Variants in CHMP3 observed in about 807,000 individuals in gnomAD.
CHMP3 encodes the protein charged multivesicular body protein 3.
Under a neutral mutation model 27.4 loss-of-function variants are expected in CHMP3, and 8 were observed. The observed-to-expected ratio is 0.29, with a 90% CI of 0.17 to 0.53. CHMP3 has a LOEUF of 0.53. CHMP3 is among the 20% of genes least tolerant of loss of function. The pLI is 0.96. For synonymous variants in CHMP3, 86 were observed against 85.5 expected, an observed-to-expected ratio of 1.01 and a Z score of -0.03; for missense variants, 208 against 271.5, an observed-to-expected ratio of 0.77 and a Z score of 1.64.
intron 1 of CHMP3, among the ~76,000 whole-genome samples, chr2:86,549,002 G>A (rs11890027): frequency 0.19 from 28,006 of 148,156 alleles, 3,427 homozygotes; most frequent in African/African-American, 0.34. Context: ...CAGATGGGGC[G>A]GCCAGGCAGA....
intron 3 of CHMP3, among the ~76,000 whole-genome samples, chr2:86,526,661 GCTCTCTCT>G (rs140412089): frequency 6.6e-6 from 1 of 150,896 alleles, no homozygotes. Flanking sequence ...ACTAGAGCAT[GCTCTCTCT>G]CTCTCTCTCT....
intron 3 of CHMP3, among the ~76,000 whole-genome samples, chr2:86,516,180 A>G (rs1675299907): frequency 6.6e-6 from 1 of 151,366 alleles, no homozygotes; most frequent in Non-Finnish European, 1.5e-5. Flanking sequence ...AAAAATTTAT[A>G]TGGCAAAAAG....
intron 3 of CHMP3, among the ~76,000 whole-genome samples, chr2:86,520,955 T>C (rs894772505): frequency 2.6e-5 from 4 of 152,202 alleles, no homozygotes; most frequent in Non-Finnish European, 5.9e-5. Context: ...ATGATGACAT[T>C]CCACCATTGT....
At position 86,507,476 on chromosome 2, in the gene CHMP3, T is replaced by TA. The variant is rs2104738074; in HGVS notation, c.523+2dup. On this transcript the variant is annotated splice_region_variant and intron_variant, in intron 5 of 5. Coordinates refer to ENST00000263856, the MANE Select transcript of CHMP3 (RefSeq NM_016079.4). ...GGAGAAAGGATGGATCTCACGGTCA[T>TA]ACCTGCTGTAATTTCAAAGAGAATT... is the stretch of plus-strand genomic sequence containing the variant. 3 of 1,613,260 alleles carry TA rather than the reference T, an allele frequency of 1.9e-6. No individual in the cohort carries two copies. Among genetic ancestry groups the TA allele is most frequent in the East Asian group, 2.2e-5 (1 of 44,866 alleles).
chr2:86,544,953 C>T (rs546051803), intron 1 of CHMP3, among the ~76,000 whole-genome samples: 85 of 145,690 alleles, frequency 5.8e-4, no homozygotes, highest in African/African-American at 1.5e-3. Flanking sequence ...ACTTCCTAGA[C>T]GGGGCGGCCG....
intron 2 of CHMP3, among the ~76,000 whole-genome samples, chr2:86,539,997 T>C (rs190420071): frequency 1.4e-4 from 21 of 152,196 alleles, no homozygotes; most frequent in Admixed American, 1.3e-3. Flanking sequence ...TAGGGTTGTT[T>C]TGTGGGGTTT....
chr2:86,546,012 G>A (rs910143995), intron 1 of CHMP3, among the ~76,000 whole-genome samples: 4 of 152,146 alleles, frequency 2.6e-5, no homozygotes, highest in East Asian at 1.9e-4. Context: ...CAAGGCAGGC[G>A]GCTGGGAGGT....
At chr2:86,530,696 C>T (rs190700282) in intron 2 of CHMP3, among the ~76,000 whole-genome samples, 9 of 152,270 alleles carry the variant, frequency 5.9e-5, no homozygotes, top group Non-Finnish European at 1.0e-4. Flanking sequence ...AAAAGTAGAA[C>T]TGTTAGGTTA....
intron 3 of CHMP3, among the ~76,000 whole-genome samples, chr2:86,519,721 ATGT>A (rs1213133306): frequency 1.3e-5 from 2 of 152,236 alleles, no homozygotes; most frequent in African/African-American, 4.8e-5. Flanking sequence ...ATTTCATTTA[ATGT>A]TGTATTTTGT....
chr2:86,554,721 A>G (rs1193831165), intron 1 of CHMP3, among the ~76,000 whole-genome samples: 1 of 152,142 alleles, frequency 6.6e-6, no homozygotes, highest in Admixed American at 6.5e-5. Context: ...TCTCACAAAT[A>G]CACAAGCATA....
chr2:86,515,852 T>A (rs1449220029), intron 3 of CHMP3, among the ~76,000 whole-genome samples: 1 of 152,136 alleles, frequency 6.6e-6, no homozygotes, highest in Non-Finnish European at 1.5e-5. Context: ...TTCCAGAACA[T>A]TTCTTTATTT....
In CHMP3 at chr2:86,563,409, G is replaced by C. The variant is rs1030815759; in HGVS notation, c.-61C>G. 40 of 1,595,062 alleles carry C rather than the reference G, an allele frequency of 2.5e-5. No homozygotes were observed. Among genetic ancestry groups the C allele is most frequent in the Non-Finnish European group, 3.1e-5 (36 of 1,168,362 alleles). ...AGTTCCCCGCGCCCAGGCAGGTCAC[G>C]GGCAGCCGCCTGGGCGGGGCCCGCG... On this transcript the variant is annotated 5_prime_UTR_variant, in exon 1 of 6. Coordinates refer to ENST00000263856, the MANE Select transcript of CHMP3 (RefSeq NM_016079.4).
chr2:86,555,819 A>T (rs1053690712), intron 1 of CHMP3, among the ~76,000 whole-genome samples: 2 of 152,170 alleles, frequency 1.3e-5, no homozygotes, highest in African/African-American at 4.8e-5. Context: ...TGCATTTAGG[A>T]GCCACCTGAA....
intron 3 of CHMP3, among the ~76,000 whole-genome samples, chr2:86,526,665 T>G (rs1675721789): frequency 6.7e-6 from 1 of 148,820 alleles, no homozygotes; most frequent in Non-Finnish European, 1.5e-5. Flanking sequence ...GAGCATGCTC[T>G]CTCTCTCTCT....
intron 1 of CHMP3, among the ~76,000 whole-genome samples, chr2:86,546,321 C>T (rs1314823133): frequency 3.5e-5 from 4 of 113,394 alleles, no homozygotes; most frequent in South Asian, 3.1e-4. Flanking sequence ...GCTGAGATCA[C>T]GGCAGTACAG....
chr2:86,512,954 A>G (rs1383871404), intron 3 of CHMP3, among the ~76,000 whole-genome samples: 2 of 152,256 alleles, frequency 1.3e-5, no homozygotes, highest in Non-Finnish European at 2.9e-5. Context: ...GCCACTTTGG[A>G]AGACAAAGCC....
intron 1 of CHMP3, among the ~76,000 whole-genome samples, chr2:86,548,247 G>A (rs1676694382): frequency 6.6e-6 from 1 of 150,658 alleles, no homozygotes; most frequent in Non-Finnish European, 1.5e-5. Flanking sequence ...GGGGGATGTG[G>A]CAGGGTCATA....
Position 86,547,566 on chromosome 2 carries a change from G to T in CHMP3, c.46-5254C>A, listed in dbSNP as rs559367707. On this transcript the variant is annotated intron_variant, in intron 1 of 5. Transcript: ENST00000263856. ...ACTTTAAAAATACTAATTTAACTGG[G>T]CCAGAGGTAGAGCCCAAATGACAGG... Among the ~76,000 whole-genome samples the T allele has an allele frequency of 3.3e-5, 5 of 152,296 alleles. No individual in the cohort carries two copies. The South Asian group carries it at 1.0e-3, about 32-fold the overall frequency.
chr2:86,530,404 G>T (rs892224591), intron 2 of CHMP3, among the ~76,000 whole-genome samples: 1 of 152,012 alleles, frequency 6.6e-6, no homozygotes, highest in Non-Finnish European at 1.5e-5. Flanking sequence ...CTGTCTTTAC[G>T]AATTTTACTA....
Sources: gnomAD v4.1 joint callset for allele counts (sites outside exome capture counted in the v4.1 genomes callset) on GRCh38, gnomAD v4.1.1 for gene constraint, MANE v1.5 for transcripts, NCBI Gene and HGNC (gene_info 2026-07-23, HGNC 2026-07-21) for gene names.